The following PXMP2 variants were observed in gnomAD, a reference collection of about 807,000 sequenced individuals.
PXMP2 encodes 22 kDa peroxisomal membrane protein.
PXMP2 carries 13 observed loss-of-function variants against 20.2 expected under a neutral mutation model. The observed-to-expected ratio is 0.64, with a 90% CI of 0.42 to 1.02. The LOEUF (loss-of-function observed/expected upper bound fraction) is 1.02, where lower values mean the gene tolerates loss of function less well. PXMP2 is among the 50% of genes least tolerant of loss of function. The probability of loss-of-function intolerance (pLI) is 0.00; values close to 1 mark genes in which losing one functional copy is unlikely to be tolerated. For missense variants in PXMP2, 284 were observed against 251.8 expected (o/e 1.13, Z -0.87); for synonymous variants, 113 against 111.2 (o/e 1.02, Z -0.10).
In PXMP2 at chr12:132,704,831, C is replaced by G. The variant is rs1019474706; in HGVS notation, c.*144C>G. ...TGCCCAAAAATGATGGATAGAGAAA[C>G]AGAAATCTCTGAATGTCAGAACCCT... On this transcript the variant is annotated 3_prime_UTR_variant, in exon 5 of 5. Transcript: ENST00000317479. The G allele has an allele frequency of 7.5e-6, 6 of 804,710 alleles. No individual in the cohort carries two copies. In the African/African-American group the frequency reaches 1.0e-4, roughly 14 times the overall value. The allele number at this position is 804,710 out of a possible 1,614,324, so 49.8% of individuals were successfully genotyped here. A position where few individuals can be genotyped will look rare whatever the true frequency, so the allele number is the denominator to read the frequency against.
intron 2 of PXMP2, among the ~76,000 whole-genome samples, chr12:132,694,270 C>T (rs868841957): frequency 4.0e-3 from 343 of 85,382 alleles, no homozygotes; most frequent in Non-Finnish European, 6.5e-3. Context: ...AGTGAGCTCC[C>T]TTGCCAGTTA....
chr12:132,700,216 AT>A (rs879892393), intron 3 of PXMP2, among the ~76,000 whole-genome samples: 191 of 141,510 alleles, frequency 1.3e-3, no homozygotes, highest in Non-Finnish European at 1.2e-3. Context: ...TAATTTTTGT[AT>A]TTTTTTTTTT....
chr12:132,700,276 T>C (rs945689819), intron 3 of PXMP2, among the ~76,000 whole-genome samples: 1 of 151,948 alleles, frequency 6.6e-6, no homozygotes, highest in Non-Finnish European at 1.5e-5. Context: ...CTCAAACTGC[T>C]GACCTCGTGA....
In PXMP2 at chr12:132,697,623, G is replaced by T. The variant is rs574200000; in HGVS notation, c.399+1577G>T. Among the ~76,000 whole-genome samples the T allele has an allele frequency of 4.6e-5, 7 of 152,188 alleles. No individual in the cohort carries two copies. The South Asian group carries it at 1.5e-3, about 32-fold the overall frequency. ...GGGTTTCACCATGTTGGCCAGGCTT[G>T]TCTTGAACTCCTGACCTCGTGATCC... is the stretch of plus-strand genomic sequence containing the variant. On this transcript the variant is annotated intron_variant, in intron 3 of 4. Coordinates refer to ENST00000317479, the MANE Select transcript of PXMP2 (RefSeq NM_018663.3).
chr12:132,697,061 G>A (rs544600292), intron 3 of PXMP2, among the ~76,000 whole-genome samples: 1 of 152,288 alleles, frequency 6.6e-6, no homozygotes, highest in South Asian at 2.1e-4. Flanking sequence ...GCCAAGGCCA[G>A]TGGATAGCTT....
chr12:132,703,386 G>A (rs987764637), intron 4 of PXMP2, among the ~76,000 whole-genome samples: 9 of 152,200 alleles, frequency 5.9e-5, no homozygotes, highest in African/African-American at 1.9e-4. Flanking sequence ...CAGACGTGAA[G>A]CTGCTTGTGG....
chr12:132,691,863 C>A (rs2043368737), intron 2 of PXMP2, among the ~76,000 whole-genome samples: 1 of 152,262 alleles, frequency 6.6e-6, no homozygotes, highest in African/African-American at 2.4e-5. Context: ...GGCCTCTTGT[C>A]CCAGTAGATG....
At position 132,696,098 on chromosome 12, in the gene PXMP2, C is replaced by G. The variant is rs1402605200; in HGVS notation, c.399+52C>G. On this transcript the variant is annotated intron_variant, in intron 3 of 4. Transcript: ENST00000317479. The surrounding 1 kb of genome is among the most constrained non-coding windows in gnomAD (Gnocchi z 4.4). Reference sequence around the variant, plus strand: ...CAGCTCTTCGTTTAGCACAGGGATTCTTCACCTGACATTCTCGGCAGAATT... The same window carrying G: ...CAGCTCTTCGTTTAGCACAGGGATTGTTCACCTGACATTCTCGGCAGAATT... 6.7e-7 allele frequency: 1 copy of G among 1,494,720 alleles called. No individual in the cohort carries two copies. The highest frequency in any genetic ancestry group is 2.2e-5 in the Admixed American group (1 of 45,632). 92.6% of individuals were successfully genotyped at this position (1,494,720 alleles called of 1,614,324 possible).
chr12:132,692,545 TGCC>T (rs2043376347), intron 2 of PXMP2, among the ~76,000 whole-genome samples: 1 of 108,238 alleles, frequency 9.2e-6, no homozygotes, highest in African/African-American at 3.3e-5. Context: ...TGAGCGCCCT[TGCC>T]AGTTAGTTAG....
chr12:132,695,361 A>G (rs1212782898), intron 2 of PXMP2, among the ~76,000 whole-genome samples: 1 of 152,158 alleles, frequency 6.6e-6, no homozygotes, highest in Non-Finnish European at 1.5e-5. Flanking sequence ...CTTGCCAGTT[A>G]GCCTAGTGAG....
rs1177804408 is a variant in PXMP2, at chr12:132,694,853, A to T, written c.237-1031A>T. Among the ~76,000 whole-genome samples, 4 of 141,446 alleles carry T rather than the reference A, an allele frequency of 2.8e-5. No individual in the cohort carries two copies. The South Asian group carries it at 9.2e-4, about 33-fold the overall frequency. 92.8% of individuals were successfully genotyped at this position (141,446 alleles called of 152,430 possible). On this transcript the variant is annotated intron_variant, in intron 2 of 4. Coordinates refer to ENST00000317479, the MANE Select transcript of PXMP2 (RefSeq NM_018663.3). Reference sequence around the variant, plus strand: ...AGTTAGTTAGCTCCCTTAGCCAGTTAGTGAGCTCCCTTAGCCAGTTAGTTA... The same window carrying T: ...AGTTAGTTAGCTCCCTTAGCCAGTTTGTGAGCTCCCTTAGCCAGTTAGTTA...
chr12:132,687,901 G>T (rs1422738805), intron 1 of PXMP2, 109 bp downstream of exon 1: 114 of 1,017,110 alleles, frequency 1.1e-4, no homozygotes, highest in Non-Finnish European at 1.3e-4. Context: ...GCGCGCCCGG[G>T]TCAGAACCCC....
In PXMP2 at chr12:132,690,601, C is replaced by T. The variant is rs571759197; in HGVS notation, c.236+225C>T. Among the ~76,000 whole-genome samples, 9 of 151,854 alleles carry T rather than the reference C, an allele frequency of 5.9e-5. No individual in the cohort carries two copies. In the South Asian group the frequency reaches 1.9e-3, roughly 32 times the overall value. ...TTCTTTTTTTTTGGAGACAGAGTCT[C>T]ACTCTGTCACCCAGGCTTACTGCAA... On this transcript the variant is annotated intron_variant, in intron 2 of 4. Coordinates refer to ENST00000317479, the MANE Select transcript of PXMP2 (RefSeq NM_018663.3).
At chr12:132,692,041 TTAGTGAGCTCCCTGAGCCAGTTAGG>T (rs1316106533) in intron 2 of PXMP2, among the ~76,000 whole-genome samples, 5 of 98,244 alleles carry the variant, frequency 5.1e-5, no homozygotes, top group South Asian at 3.3e-4. Context: ...CCCTTGCCAG[TTAGTGAGCTCCCTGAGCCAGTTAGG>T]TAGTGAGCTC....
intron 1 of PXMP2, among the ~76,000 whole-genome samples, chr12:132,690,019 A>T (rs974810043): frequency 6.6e-6 from 1 of 152,214 alleles, no homozygotes; most frequent in South Asian, 2.1e-4. Context: ...GCCAAATTAT[A>T]GTATAACATC....
intron 3 of PXMP2, among the ~76,000 whole-genome samples, chr12:132,699,024 G>A (rs2043424746): frequency 1.3e-5 from 2 of 152,192 alleles, no homozygotes; most frequent in African/African-American, 2.4e-5. Context: ...GTGCTGTGGT[G>A]AAGTCTGAGC....
At chr12:132,693,888 ATAGTGAGCGCCCTTAGCCAGT>A (rs2043389949) in intron 2 of PXMP2, among the ~76,000 whole-genome samples, 1 of 32,410 alleles carries the variant, frequency 3.1e-5, no homozygotes. Flanking sequence ...AGCCAGTTAG[ATAGTGAGCGCCCTTAGCCAGT>A]TAGTGAGCGC....
intron 4 of PXMP2, among the ~76,000 whole-genome samples, chr12:132,702,909 C>A (rs57312103): frequency 0.012 from 1,843 of 152,244 alleles, 43 homozygotes; most frequent in African/African-American, 0.042. Flanking sequence ...ACTGCACACA[C>A]CACAAACACA....
At chr12:132,691,411 C>A (rs2043366179) in intron 2 of PXMP2, among the ~76,000 whole-genome samples, 1 of 152,136 alleles carries the variant, frequency 6.6e-6, no homozygotes, top group Non-Finnish European at 1.5e-5. Flanking sequence ...TGAAAAATGT[C>A]CAGTTTCTGA....
Sources: allele counts gnomAD v4.1 joint callset (sites outside exome capture counted in the v4.1 genomes callset), GRCh38; gene constraint gnomAD v4.1.1; non-coding constraint Gnocchi (gnomAD v3.1); transcripts MANE v1.5; gene names NCBI Gene and HGNC (gene_info 2026-07-23, HGNC 2026-07-21).